The following PLEKHG1 variants were observed in gnomAD, a reference collection of about 807,000 sequenced individuals.
PLEKHG1 encodes the protein pleckstrin homology and RhoGEF domain containing G1.
PLEKHG1 carries 44 observed loss-of-function variants against 100.8 expected under a neutral mutation model. The ratio of observed to expected loss-of-function variants is 0.44; its 90% CI spans 0.34 to 0.56. The LOEUF (loss-of-function observed/expected upper bound fraction) is 0.56, where lower values mean the gene tolerates loss of function less well. PLEKHG1 is among the 20% of genes least tolerant of loss of function. The pLI is 0.01. For synonymous variants in PLEKHG1, 640 were observed against 662.5 expected (o/e 0.97, Z 0.52); for missense variants, 1,545 against 1,720.9 (o/e 0.90, Z 1.81).
At chr6:150,842,671 C>CA (rs1463142225) in exon 16 of PLEKHG1, 1 of 152,080 alleles carries the variant, frequency 6.6e-6, no homozygotes, top group East Asian at 1.9e-4. Flanking sequence ...ATGAAATGAT[C>CA]AAAAAAGATA....
At chr6:150,658,244 GT>G (rs1433395354) in intron 3 of PLEKHG1, among the ~76,000 whole-genome samples, 1 of 152,140 alleles carries the variant, frequency 6.6e-6, no homozygotes, top group African/African-American at 2.4e-5. Context: ...CTAGAGGAAG[GT>G]TACATCTGTG....
intron 4 of PLEKHG1, among the ~76,000 whole-genome samples, chr6:150,787,905 T>C (rs1785723553): frequency 6.6e-6 from 1 of 151,980 alleles, no homozygotes; most frequent in Non-Finnish European, 1.5e-5. Flanking sequence ...TGTGTCAAAA[T>C]TGAGCAGGGA....
At chr6:150,795,831 A>G (rs965486225) in intron 4 of PLEKHG1, 25 bp from the exon 6 acceptor site, 3 of 1,504,556 alleles carry the variant, frequency 2.0e-6, no homozygotes, top group Non-Finnish European at 2.8e-6. Context: ...TGTTGCCTAT[A>G]AAAATTTCTT....
At chr6:150,718,710 C>T (rs925210975), upstream of PLEKHG1, among the ~76,000 whole-genome samples, 1 of 152,082 alleles carries the variant, frequency 6.6e-6, no homozygotes, top group African/African-American at 2.4e-5. Context: ...CCTCGTGATC[C>T]ACCTGCCTTG....
intron 1 of PLEKHG1, among the ~76,000 whole-genome samples, chr6:150,614,413 T>C (rs73016016): frequency 0.012 from 1,884 of 152,310 alleles, 17 homozygotes; most frequent in Middle Eastern, 0.034. Flanking sequence ...GAGATAATTA[T>C]AACTACTGTA....
intron 11 of PLEKHG1, among the ~76,000 whole-genome samples, chr6:150,818,624 T>G (rs1263911339): frequency 6.6e-6 from 1 of 152,244 alleles, no homozygotes; most frequent in South Asian, 2.1e-4. Context: ...GTTTTCCTGA[T>G]GCAGCAGAAA....
At chr6:150,602,355 C>G (rs1231941491) in intron 1 of PLEKHG1, among the ~76,000 whole-genome samples, 1 of 152,204 alleles carries the variant, frequency 6.6e-6, no homozygotes, top group African/African-American at 2.4e-5. Flanking sequence ...CTTGGATGAC[C>G]TAGTCCAGCC....
intron 2 of PLEKHG1, among the ~76,000 whole-genome samples, chr6:150,746,274 G>A (rs1226677634): frequency 6.6e-6 from 1 of 152,132 alleles, no homozygotes; most frequent in East Asian, 1.9e-4. Flanking sequence ...TGTTCAAATT[G>A]TTCCCTAACA....
intron 2 of PLEKHG1, among the ~76,000 whole-genome samples, chr6:150,645,889 T>G (rs917859528): frequency 6.6e-6 from 1 of 152,150 alleles, no homozygotes; most frequent in African/African-American, 2.4e-5. Context: ...TTCAGATAAA[T>G]ACAATGTAGA....
At chr6:150,719,479 T>C (rs1781574343), upstream of PLEKHG1, among the ~76,000 whole-genome samples, 1 of 152,172 alleles carries the variant, frequency 6.6e-6, no homozygotes, top group South Asian at 2.1e-4. Context: ...ATAGGAAGGT[T>C]CCCTGCCCCC....
intron 5 of PLEKHG1, among the ~76,000 whole-genome samples, chr6:150,799,837 G>A (rs1422008603): frequency 2.0e-5 from 3 of 152,178 alleles, no homozygotes. Flanking sequence ...AGGGAGAAAA[G>A]GGCTGAAATT....
At chr6:150,692,481 G>A (rs927298608) in intron 3 of PLEKHG1, among the ~76,000 whole-genome samples, 7 of 152,202 alleles carry the variant, frequency 4.6e-5, no homozygotes, top group Non-Finnish European at 8.8e-5. Flanking sequence ...CAGCTGCTAT[G>A]TGGAAAACTA....
intron 3 of PLEKHG1, among the ~76,000 whole-genome samples, chr6:150,693,181 G>A (rs1308500518): frequency 6.6e-5 from 10 of 152,218 alleles, no homozygotes; most frequent in Non-Finnish European, 1.2e-4. Context: ...CCAGCTACTC[G>A]GGAGGCTGAG....
At chr6:150,696,043 T>G (rs1487366520) in intron 3 of PLEKHG1, among the ~76,000 whole-genome samples, 1 of 152,202 alleles carries the variant, frequency 6.6e-6, no homozygotes, top group Non-Finnish European at 1.5e-5. Context: ...GAGATATTCT[T>G]TATAGAAGTT....
In PLEKHG1 at chr6:150,831,259, A is replaced by G. The variant is rs201032405; in HGVS notation, c.2148A>G (p.Gln716=). 10 of 1,614,140 alleles carry G rather than the reference A, an allele frequency of 6.2e-6. No homozygotes were observed. Among genetic ancestry groups the G allele is most frequent in the Non-Finnish European group, 8.5e-6 (10 of 1,180,032 alleles). ...ACAGTAAGGGCTCTCTTTACGCACAAACAGATGGCACCCTCTCAGGTGGAG... is the reference window on the plus strand; with the variant it reads ...ACAGTAAGGGCTCTCTTTACGCACAGACAGATGGCACCCTCTCAGGTGGAG... The change falls in exon 15 of 16, where the codon CAA becomes CAG. Residue 716 remains glutamine, a synonymous_variant. Coordinates refer to ENST00000358517, the Ensembl canonical transcript of PLEKHG1. The surrounding 1 kb of genome is among the most constrained non-coding windows in gnomAD (Gnocchi z 4.1).
intron 2 of PLEKHG1, among the ~76,000 whole-genome samples, chr6:150,639,633 A>G (rs775206265): frequency 6.6e-6 from 1 of 152,126 alleles, no homozygotes; most frequent in Non-Finnish European, 1.5e-5. Flanking sequence ...CCGATGACCA[A>G]GAGCTTCCTG....
At position 150,647,266 on chromosome 6, in the gene PLEKHG1, A is replaced by G. The variant is rs373296499; in HGVS notation, c.-157-3462A>G. 1.4e-3 allele frequency among the ~76,000 whole-genome samples: 217 copies of G among 152,328 alleles called. 4 individuals carry two copies. The South Asian group carries it at 0.038, about 27-fold the overall frequency. ...AATGGCCTTTTATTTTGTCCTGCAT[A>G]TAAAAAGCAAGATTGGTCTCTTTCG... On this transcript the variant is annotated intron_variant, in intron 2 of 3. Transcript: ENST00000367326.
intron 3 of PLEKHG1, among the ~76,000 whole-genome samples, chr6:150,673,841 T>C (rs1779652176): frequency 6.6e-6 from 1 of 152,132 alleles, no homozygotes; most frequent in Non-Finnish European, 1.5e-5. Context: ...TTTTTGTATT[T>C]TTTGTAGAGA....
At chr6:150,678,823 A>C (rs1197220406) in intron 3 of PLEKHG1, among the ~76,000 whole-genome samples, 1 of 152,238 alleles carries the variant, frequency 6.6e-6, no homozygotes, top group Admixed American at 6.5e-5. Context: ...GAGCAAATGA[A>C]TATGTGAATT....
Sources: gnomAD v4.1 joint callset for allele counts (sites outside exome capture counted in the v4.1 genomes callset) on GRCh38, gnomAD v4.1.1 for gene constraint, Gnocchi (gnomAD v3.1) non-coding constraint, MANE v1.5 for transcripts, NCBI Gene and HGNC (gene_info 2026-07-23, HGNC 2026-07-21) for gene names.